Variants in DIS3L2 observed in about 807,000 individuals in gnomAD.
The protein encoded by DIS3L2 is DIS3-like exonuclease 2.
A neutral mutation model predicts 97.5 loss-of-function variants in DIS3L2; 34 were observed. The observed-to-expected ratio is 0.35, with a 90% CI of 0.27 to 0.46. The LOEUF (loss-of-function observed/expected upper bound fraction) is 0.46. DIS3L2 is among the 20% of genes least tolerant of loss of function. The pLI, the probability that DIS3L2 is intolerant of heterozygous loss-of-function variation, is 1.00. For missense variants in DIS3L2, 1,038 were observed against 1,146.0 expected (o/e 0.91, Z 1.36); for synonymous variants, 435 against 445.2 (o/e 0.98, Z 0.29).
chr2:232,300,626 C>T (rs1005613662), intron 14 of DIS3L2, among the ~76,000 whole-genome samples: 1 of 151,228 alleles, frequency 6.6e-6, no homozygotes, highest in Admixed American at 6.6e-5. Flanking sequence ...TTTCATAGCA[C>T]CTCCTTTCCA....
chr2:231,971,952 C>T (rs1003047861), intron 1 of DIS3L2, among the ~76,000 whole-genome samples: 4 of 150,100 alleles, frequency 2.7e-5, no homozygotes, highest in Non-Finnish European at 4.4e-5. Context: ...TTTGGGAGGC[C>T]GAGGCGGATG....
At chr2:232,264,540 T>C (rs544970896) in intron 13 of DIS3L2, among the ~76,000 whole-genome samples, 36 of 151,978 alleles carry the variant, frequency 2.4e-4, no homozygotes, top group Non-Finnish European at 3.4e-4. Flanking sequence ...TTTTTTCTCC[T>C]TCATTTATAT....
At chr2:232,099,206 G>A (rs553489440) in intron 6 of DIS3L2, among the ~76,000 whole-genome samples, 2 of 151,504 alleles carry the variant, frequency 1.3e-5, no homozygotes, top group Non-Finnish European at 2.9e-5. Context: ...TAATATTAGG[G>A]TAGTATTTTT....
chr2:232,241,661 A>G (rs1217677078), intron 11 of DIS3L2, among the ~76,000 whole-genome samples: 1 of 152,208 alleles, frequency 6.6e-6, no homozygotes, highest in East Asian at 1.9e-4. Flanking sequence ...TTTTTGACAA[A>G]AGATGATTCC....
intron 10 of DIS3L2, among the ~76,000 whole-genome samples, chr2:232,236,810 G>A (rs1023561742): frequency 4.6e-5 from 7 of 152,106 alleles, no homozygotes; most frequent in African/African-American, 1.7e-4. Context: ...GAAGTGCAGT[G>A]GCACAATCTC....
chr2:232,086,535 C>T (rs1451113113), intron 5 of DIS3L2, among the ~76,000 whole-genome samples: 1 of 144,372 alleles, frequency 6.9e-6, no homozygotes, highest in Non-Finnish European at 1.5e-5. Flanking sequence ...TTTGTGGAAC[C>T]ATTAGTGGCA....
At chr2:232,130,815 C>T (rs754276451) in intron 7 of DIS3L2, 96 bp downstream of exon 7, 18 of 1,389,164 alleles carry the variant, frequency 1.3e-5, no homozygotes, top group Non-Finnish European at 1.7e-5. Context: ...TGTATTTGGT[C>T]ATTTAATCAG....
chr2:232,163,390 G>T, intron 8 of DIS3L2, 69 bp from the exon 9 acceptor site: 2 of 1,515,564 alleles, frequency 1.3e-6, no homozygotes, highest in South Asian at 2.6e-5. Flanking sequence ...TTTACTTTTA[G>T]AGAGGAGACA....
chr2:232,167,370 T>C (rs866749648), intron 9 of DIS3L2, among the ~76,000 whole-genome samples: 1 of 152,240 alleles, frequency 6.6e-6, no homozygotes, highest in South Asian at 2.1e-4. Context: ...TATAGAAAAC[T>C]GTTTATATAG....
intron 13 of DIS3L2, among the ~76,000 whole-genome samples, chr2:232,270,880 C>CTCTT (rs1553542469): frequency 7.2e-6 from 1 of 138,954 alleles, no homozygotes. Context: ...CTCTCTCTCT[C>CTCTT]TCTCTCTCTC....
At chr2:231,976,370 C>T (rs1445392863) in intron 1 of DIS3L2, among the ~76,000 whole-genome samples, 1 of 152,108 alleles carries the variant, frequency 6.6e-6, no homozygotes, top group Non-Finnish European at 1.5e-5. Context: ...TAGCTCACGC[C>T]TGTAATCCTA....
chr2:232,031,496 CT>C lies in DIS3L2; in HGVS notation c.366+1431del, dbSNP rs142118818. Among the ~76,000 whole-genome samples, 569 of 135,542 alleles carry C rather than the reference CT, an allele frequency of 4.2e-3. 3 individuals carry two copies. The highest frequency in any genetic ancestry group is 8.1e-3 in the South Asian group (34 of 4,186). 88.9% of individuals were successfully genotyped at this position (135,542 alleles called of 152,430 possible). ...ATTAGTGCTGTGAAGTGCAGGGTTT[CT>C]TTTTTTTTTTTTTTATATTATACCC... is the stretch of plus-strand genomic sequence containing the variant. On this transcript the variant is annotated intron_variant, in intron 5 of 20. Transcript: ENST00000325385.
rs1041704223 is a variant in DIS3L2 at position 232,316,081 on chromosome 2, A to G, written c.1740-13732A>G. On this transcript the variant is annotated intron_variant, in intron 14 of 20. Transcript: ENST00000325385. ...TGGGGTCGGGGACCCCGCTCTCAGC[A>G]GCTCCCTTCCCTGAGTGCCCTGGCA... is the stretch of plus-strand genomic sequence containing the variant. Among the ~76,000 whole-genome samples the G allele has an allele frequency of 7.2e-5, 11 of 152,272 alleles. No homozygotes were observed. In the East Asian group the frequency reaches 2.1e-3, roughly 29 times the overall value.
chr2:232,087,191 G>T (rs563946499), intron 5 of DIS3L2, among the ~76,000 whole-genome samples: 81 of 152,104 alleles, frequency 5.3e-4, no homozygotes, highest in African/African-American at 1.8e-3. Context: ...ACTACTTCTG[G>T]TATTCAGGGC....
At chr2:232,144,535 CAG>C (rs1690161011) in intron 8 of DIS3L2, among the ~76,000 whole-genome samples, 1 of 152,000 alleles carries the variant, frequency 6.6e-6, no homozygotes, top group Non-Finnish European at 1.5e-5. Flanking sequence ...AAAAATGGAA[CAG>C]AGAGTTCCTG....
chr2:232,091,873 T>G (rs554597192), intron 6 of DIS3L2, among the ~76,000 whole-genome samples: 1 of 152,196 alleles, frequency 6.6e-6, no homozygotes, highest in South Asian at 2.1e-4. Flanking sequence ...CTCATTGCAG[T>G]TTTGACTTGC....
chr2:231,976,024 T>C (rs1180603842), intron 1 of DIS3L2, among the ~76,000 whole-genome samples: 1 of 151,874 alleles, frequency 6.6e-6, no homozygotes, highest in Non-Finnish European at 1.5e-5. Flanking sequence ...GTTTAAGAAG[T>C]AAATGTGAAT....
chr2:232,298,505 C>G (rs1316901988), intron 13 of DIS3L2, among the ~76,000 whole-genome samples: 3 of 152,114 alleles, frequency 2.0e-5, no homozygotes, highest in Admixed American at 2.0e-4. Flanking sequence ...GGCAAACATG[C>G]CTTTGACTTG....
intron 9 of DIS3L2, among the ~76,000 whole-genome samples, chr2:232,184,425 T>G (rs920245518): frequency 6.6e-6 from 1 of 151,982 alleles, no homozygotes; most frequent in African/African-American, 2.4e-5. Flanking sequence ...GTACTTTGGG[T>G]GGATTGATTG....
Sources: gnomAD v4.1 joint callset for allele counts (sites outside exome capture counted in the v4.1 genomes callset) on GRCh38, gnomAD v4.1.1 for gene constraint, MANE v1.5 for transcripts, NCBI Gene and HGNC (gene_info 2026-07-23, HGNC 2026-07-21) for gene names.